Variants in TMCO6 observed in about 807,000 individuals in gnomAD.
TMCO6 encodes the protein transmembrane and coiled-coil domains 6.
Under a neutral mutation model 61.8 loss-of-function variants are expected in TMCO6, and 47 were observed. The observed-to-expected ratio is 0.76, with a 90% CI of 0.60 to 0.97. The LOEUF (loss-of-function observed/expected upper bound fraction) is 0.97. TMCO6 is among the 50% of genes least tolerant of loss of function. The pLI, the probability that TMCO6 is intolerant of heterozygous loss-of-function variation, is 0.00. For missense variants in TMCO6, 557 were observed against 601.6 expected, an observed-to-expected ratio of 0.93 and a Z score of 0.78; for synonymous variants, 261 against 254.2, an observed-to-expected ratio of 1.03 and a Z score of -0.25.
At chr5:140,600,814 T>C in the TMCO6 span, among the ~76,000 whole-genome samples, 1 of 152,074 alleles carries the variant, frequency 6.6e-6, no homozygotes, top group South Asian at 2.1e-4. Flanking sequence ...GGAGGGGAAA[T>C]GTTCCACGGT....
chr5:140,613,768 A>T, the TMCO6 span, among the ~76,000 whole-genome samples: 1 of 152,018 alleles, frequency 6.6e-6, no homozygotes, highest in Non-Finnish European at 1.5e-5. Context: ...TGGTGCAATC[A>T]TAGTTCATTG....
chr5:140,645,747 T>C, downstream of TMCO6: 1 of 1,608,698 alleles, frequency 6.2e-7, no homozygotes. Flanking sequence ...AAATAAAAGA[T>C]CTTTGTCTTT....
rs746753147 is a variant in TMCO6 at position 140,641,741 on chromosome 5, G to A, written c.275G>A (p.Arg92Gln). Residue 92 changes from arginine (R) to glutamine (Q), a missense_variant, in exon 3 of 12, where the codon CGA becomes CAA. By Grantham distance (43) the Arg-to-Gln change is conservative. Coordinates refer to ENST00000394671, the MANE Select transcript of TMCO6 (RefSeq NM_018502.5). ...GAGGGGGCTCTGGTCAGCCTTCGTC[G>A]AGGCTTGCAGCACCCTGAAACACAG... ...EREGALVSLR[R>Q]GLQHPETQQT... The A allele has an allele frequency of 4.3e-6, 7 of 1,614,076 alleles. No individual in the cohort carries two copies. Among genetic ancestry groups the A allele is most frequent in the Admixed American group, 3.3e-5 (2 of 60,008 alleles).
At chr5:140,634,940 A>G (rs1756733155), upstream of TMCO6, among the ~76,000 whole-genome samples, 2 of 151,508 alleles carry the variant, frequency 1.3e-5, no homozygotes, top group Non-Finnish European at 2.9e-5. Flanking sequence ...GTGCCACTAC[A>G]CCCGGCTAAT....
the TMCO6 span, chr5:140,632,489 C>T: frequency 3.1e-6 from 5 of 1,614,044 alleles, no homozygotes; most frequent in Non-Finnish European, 4.2e-6. This position sits in a 1 kb window ranked among gnomAD's most constrained non-coding sequence, Gnocchi z 6.2. Flanking sequence ...TGAGCCACTG[C>T]TGCAGCTCGG....
the TMCO6 span, among the ~76,000 whole-genome samples, chr5:140,602,281 C>T: frequency 3.3e-5 from 5 of 152,178 alleles, no homozygotes; most frequent in African/African-American, 1.2e-4. Context: ...TCCCTCAAAA[C>T]CCAGCTCCAG....
the TMCO6 span, among the ~76,000 whole-genome samples, chr5:140,609,869 A>G: frequency 6.6e-6 from 1 of 151,694 alleles, no homozygotes; most frequent in African/African-American, 2.4e-5. Context: ...TTGCAAGTGG[A>G]ATTTTTTTCT....
chr5:140,642,447 CCCTT>C (rs770443795), intron 5 of TMCO6, 28 bp downstream of exon 5: 3 of 1,608,410 alleles, frequency 1.9e-6, no homozygotes, highest in Non-Finnish European at 2.6e-6. Flanking sequence ...CCCTGGGCAA[CCCTT>C]CCTTTGCTCC....
At chr5:140,616,551 C>G in the TMCO6 span, among the ~76,000 whole-genome samples, 2 of 151,894 alleles carry the variant, frequency 1.3e-5, no homozygotes, top group East Asian at 1.9e-4. Context: ...GACAGAGAGA[C>G]CTTGTCTCTA....
chr5:140,613,039 A>C, the TMCO6 span, among the ~76,000 whole-genome samples: 1 of 152,160 alleles, frequency 6.6e-6, no homozygotes, highest in Non-Finnish European at 1.5e-5. Context: ...TAAAGAAGAC[A>C]ATTTCTGATA....
downstream of TMCO6, chr5:140,645,656 G>A (rs138059203): frequency 3.6e-4 from 580 of 1,614,158 alleles, 3 homozygotes; most frequent in African/African-American, 7.0e-3. Context: ...TGTTCAAAGG[G>A]ACATTCGTCT....
At chr5:140,643,530 T>C (rs1435101345) in intron 7 of TMCO6, 34 bp from the exon 8 acceptor site, 7 of 1,586,418 alleles carry the variant, frequency 4.4e-6, no homozygotes, top group Middle Eastern at 2.1e-4. Context: ...GAATTGACTA[T>C]ATACCTAGGG....
chr5:140,639,262 A>C, upstream of TMCO6: 6 of 433,398 alleles, frequency 1.4e-5, no homozygotes, highest in South Asian at 1.5e-4. Flanking sequence ...TTTTCCTAGA[A>C]TTGGTAAGAC....
At chr5:140,636,393 G>T (rs1191573312), upstream of TMCO6, among the ~76,000 whole-genome samples, 1 of 151,816 alleles carries the variant, frequency 6.6e-6, no homozygotes, top group African/African-American at 2.4e-5. Context: ...ATCATTTAAG[G>T]CTGAGTTCCA....
chr5:140,614,197 C>A, the TMCO6 span, among the ~76,000 whole-genome samples: 1 of 151,952 alleles, frequency 6.6e-6, no homozygotes, highest in African/African-American at 2.4e-5. Flanking sequence ...CTGAGCCCGG[C>A]CATCTCTCAT....
the TMCO6 span, among the ~76,000 whole-genome samples, chr5:140,617,052 GA>G: frequency 0.034 from 4,562 of 135,322 alleles, 181 homozygotes; most frequent in African/African-American, 0.1. Context: ...GGCAAAAAAA[GA>G]AAAAAAAAAA....
At chr5:140,604,592 C>T in the TMCO6 span, among the ~76,000 whole-genome samples, 1 of 151,854 alleles carries the variant, frequency 6.6e-6, no homozygotes, top group African/African-American at 2.4e-5. Context: ...TCCAATTTAT[C>T]ACTTTTTTTT....
At chr5:140,609,273 T>C in the TMCO6 span, 1 of 176,954 alleles carries the variant, frequency 5.7e-6, no homozygotes, top group Non-Finnish European at 1.2e-5. Flanking sequence ...TTGCTTGAGG[T>C]TTCTAAGGAC....
At chr5:140,646,623 T>G (rs1757416160), downstream of TMCO6, among the ~76,000 whole-genome samples, 1 of 152,178 alleles carries the variant, frequency 6.6e-6, no homozygotes, top group Non-Finnish European at 1.5e-5. Context: ...CTACAATGTG[T>G]TAGGCAACAT....
Sources: gnomAD v4.1 joint callset for allele counts (sites outside exome capture counted in the v4.1 genomes callset) on GRCh38, gnomAD v4.1.1 for gene constraint, Gnocchi (gnomAD v3.1) non-coding constraint, MANE v1.5 for transcripts, NCBI Gene and HGNC (gene_info 2026-07-23, HGNC 2026-07-21) for gene names.